CAB39L: variants seen among roughly 807,000 people sequenced by gnomAD.
The protein encoded by CAB39L is calcium-binding protein 39-like.
CAB39L carries 23 observed loss-of-function variants against 39.1 expected under a neutral mutation model. The observed-to-expected ratio is 0.59, with a 90% CI of 0.42 to 0.83. The LOEUF is 0.83. Ranked by LOEUF, CAB39L falls within the 40% of genes least tolerant of loss-of-function variation. The pLI, the probability that CAB39L is intolerant of heterozygous loss-of-function variation, is 0.00. For synonymous variants in CAB39L, 126 were observed against 137.2 expected (o/e 0.92, Z 0.57); for missense variants, 366 against 391.9 (o/e 0.93, Z 0.56).
At chr13:49,332,754 A>G (rs1954745860) in intron 9 of CAB39L, among the ~76,000 whole-genome samples, 1 of 151,964 alleles carries the variant, frequency 6.6e-6, no homozygotes, top group Non-Finnish European at 1.5e-5. Flanking sequence ...GGCTGAATGT[A>G]TTGTTGCTCT....
At chr13:49,313,598 A>G (rs556534803) in intron 10 of CAB39L, among the ~76,000 whole-genome samples, 2 of 152,292 alleles carry the variant, frequency 1.3e-5, no homozygotes, top group East Asian at 3.9e-4. Context: ...AGAGATTCTT[A>G]TGTGAACTCC....
intron 3 of CAB39L, among the ~76,000 whole-genome samples, chr13:49,404,886 C>G (rs1956839671): frequency 6.6e-6 from 1 of 151,356 alleles, no homozygotes; most frequent in Non-Finnish European, 1.5e-5. Context: ...ACAGAGCAGT[C>G]AAAAGAAAAA....
chr13:49,430,330 C>T (rs1458884215), intron 3 of CAB39L, among the ~76,000 whole-genome samples: 1 of 152,062 alleles, frequency 6.6e-6, no homozygotes, highest in East Asian at 1.9e-4. Context: ...ATAAAATTTG[C>T]CATAGGAAAT....
At chr13:49,355,230 T>G (rs912214003) in intron 6 of CAB39L, among the ~76,000 whole-genome samples, 15 of 150,946 alleles carry the variant, frequency 9.9e-5, no homozygotes, top group Non-Finnish European at 2.1e-4. Flanking sequence ...AAAAAAAAAT[T>G]AATTAGCTAA....
chr13:49,431,881 C>T (rs1957331183), intron 3 of CAB39L, among the ~76,000 whole-genome samples: 2 of 151,472 alleles, frequency 1.3e-5, no homozygotes, highest in African/African-American at 4.9e-5. Context: ...AGAAACAATT[C>T]ATCTCCATCT....
At chr13:49,369,376 G>C (rs1955853214) in intron 5 of CAB39L, among the ~76,000 whole-genome samples, 1 of 152,178 alleles carries the variant, frequency 6.6e-6, no homozygotes, top group Admixed American at 6.5e-5. Context: ...CTACTACTCA[G>C]CAATAAAAAG....
chr13:49,382,659 T>C (rs1956273087), intron 4 of CAB39L, 141 bp downstream of exon 4: 3 of 604,966 alleles, frequency 5.0e-6, no homozygotes, highest in South Asian at 1.9e-5. Flanking sequence ...GCATAAAACC[T>C]GAAATCAACT....
At position 49,377,094 on chromosome 13, in the gene CAB39L, T is replaced by C; in HGVS notation, c.149A>G (p.Lys50Arg). 5 of 1,613,576 alleles carry C rather than the reference T, an allele frequency of 3.1e-6. No homozygotes were observed. The highest frequency in any genetic ancestry group is 4.2e-6 in the Non-Finnish European group (5 of 1,179,586). ...EEVSKSLQAM[K>R]EILCGTNEKE... is the part of the protein sequence containing the mutation. ...CTCGTTTGTACCACACAGAATTTCTTTCATTGCTTGCAGTGATTTAGACAC... is the reference window on the plus strand; with the variant it reads ...CTCGTTTGTACCACACAGAATTTCTCTCATTGCTTGCAGTGATTTAGACAC... Residue 50 changes from lysine (K) to arginine (R), a missense_variant, in exon 5 of 11, where the codon AAA becomes AGA. Transcript: ENST00000409308.
chr13:49,416,453 T>G (rs1313710159), intron 3 of CAB39L, among the ~76,000 whole-genome samples: 1 of 152,222 alleles, frequency 6.6e-6, no homozygotes, highest in African/African-American at 2.4e-5. Flanking sequence ...TTTAATATTT[T>G]TAAACTGTGG....
At chr13:49,340,988 C>T (rs1041173282) in intron 8 of CAB39L, among the ~76,000 whole-genome samples, 29 of 152,198 alleles carry the variant, frequency 1.9e-4, no homozygotes, top group African/African-American at 7.0e-4. Context: ...ATTTATTAGT[C>T]TCTCAAACTG....
chr13:49,368,999 G>A (rs1181094588), intron 5 of CAB39L, among the ~76,000 whole-genome samples: 3 of 151,970 alleles, frequency 2.0e-5, no homozygotes, highest in South Asian at 2.1e-4. Flanking sequence ...ATTCAGCAAC[G>A]AAATTAAAAA....
At chr13:49,397,334 G>C (rs1234357108) in intron 3 of CAB39L, among the ~76,000 whole-genome samples, 1 of 152,004 alleles carries the variant, frequency 6.6e-6, no homozygotes, top group East Asian at 1.9e-4. Context: ...AAATTTGAGG[G>C]AGAGGCACTT....
At chr13:49,386,391 A>G (rs1440868767) in intron 3 of CAB39L, among the ~76,000 whole-genome samples, 7 of 152,134 alleles carry the variant, frequency 4.6e-5, no homozygotes, top group African/African-American at 1.7e-4. Context: ...GAGCACAGGC[A>G]CTTTGCTAAA....
At chr13:49,316,986 A>C (rs1479809104) in intron 10 of CAB39L, among the ~76,000 whole-genome samples, 1 of 152,186 alleles carries the variant, frequency 6.6e-6, no homozygotes, top group Non-Finnish European at 1.5e-5. Context: ...CTGGGAGAGA[A>C]GCAAGGAAGA....
At chr13:49,439,920 G>GTTTTTTTTTTTTTTTTTTTTTTTTT (rs1270438947) in intron 1 of CAB39L, among the ~76,000 whole-genome samples, 1 of 41,366 alleles carries the variant, frequency 2.4e-5, no homozygotes, top group African/African-American at 7.7e-5. Flanking sequence ...CTTTTTAATG[G>GTTTTTTTTTTTTTTTTTTTTTTTTT]GTTTTTTTTT....
chr13:49,330,365 A>T (rs1183850413), intron 10 of CAB39L, among the ~76,000 whole-genome samples: 1 of 152,122 alleles, frequency 6.6e-6, no homozygotes, highest in African/African-American at 2.4e-5. Flanking sequence ...ACTTGTGTTC[A>T]TTTACAATCC....
At chr13:49,359,360 C>T (rs1282463302) in intron 6 of CAB39L, among the ~76,000 whole-genome samples, 5 of 151,864 alleles carry the variant, frequency 3.3e-5, no homozygotes, top group Admixed American at 6.6e-5. Flanking sequence ...TGCTTATGTG[C>T]GTGGTGAGGG....
chr13:49,373,974 G>A (rs1278441327), intron 5 of CAB39L, among the ~76,000 whole-genome samples: 1 of 152,222 alleles, frequency 6.6e-6, no homozygotes, highest in Non-Finnish European at 1.5e-5. Context: ...TCTATAAGTA[G>A]GCTAATAATG....
intron 3 of CAB39L, among the ~76,000 whole-genome samples, chr13:49,398,390 C>A (rs564560068): frequency 6.6e-6 from 1 of 152,096 alleles, no homozygotes; most frequent in South Asian, 2.1e-4. Context: ...TAAATATAAT[C>A]TTTAAGCCAC....
Sources: allele counts gnomAD v4.1 joint callset (sites outside exome capture counted in the v4.1 genomes callset), GRCh38; gene constraint gnomAD v4.1.1; transcripts MANE v1.5; gene names NCBI Gene and HGNC (gene_info 2026-07-23, HGNC 2026-07-21).